Variants in ERICH3 observed in about 807,000 individuals in gnomAD.
ERICH3 encodes glutamate rich 3, also known as glutamate-rich protein 3.
Under a neutral mutation model 131.1 loss-of-function variants are expected in ERICH3, and 126 were observed. That is an observed-to-expected ratio of 0.96 (90% CI 0.83 to 1.11). The LOEUF (loss-of-function observed/expected upper bound fraction) is 1.11, where lower values mean the gene tolerates loss of function less well. Among genes scored for constraint, ERICH3 ranks in the 50% most tolerant of loss-of-function variants. The pLI is 0.00. For missense variants in ERICH3, 2,050 were observed against 1,810.7 expected, an observed-to-expected ratio of 1.13 and a Z score of -2.40; for synonymous variants, 695 against 644.6, an observed-to-expected ratio of 1.08 and a Z score of -1.18.
chr1:74,608,512 T>C (rs1427158142), intron 9 of ERICH3, among the ~76,000 whole-genome samples: 1 of 152,006 alleles, frequency 6.6e-6, no homozygotes, highest in Non-Finnish European at 1.5e-5. Flanking sequence ...TTACTTAAAC[T>C]GAAGATTTCA....
At chr1:74,585,793 C>A (rs1647300736) in intron 12 of ERICH3, among the ~76,000 whole-genome samples, 1 of 151,928 alleles carries the variant, frequency 6.6e-6, no homozygotes. Flanking sequence ...GTGGAATTTT[C>A]TTAGAAATTG....
At chr1:74,579,764 C>A (rs888397393) in intron 12 of ERICH3, 4 of 985,250 alleles carry the variant, frequency 4.1e-6, no homozygotes, top group African/African-American at 1.7e-5. Flanking sequence ...CACTTTGTTG[C>A]CTCTCTGTAT....
intron 12 of ERICH3, chr1:74,579,781 C>T: frequency 1.0e-6 from 1 of 985,342 alleles, no homozygotes; most frequent in South Asian, 4.7e-5. Context: ...GTATTTAGCC[C>T]TTCATCCCCT....
chr1:74,673,578 C>G lies in ERICH3; in HGVS notation c.-59G>C, dbSNP rs1298089408. On this transcript the variant is annotated 5_prime_UTR_variant, in exon 1 of 15. Coordinates refer to ENST00000326665, the MANE Select transcript of ERICH3 (RefSeq NM_001002912.5). Reference sequence around the variant, plus strand: ...TGCGGAGGGTGGGTGCGTGGGGCCCCGTGCGCGCTGGCGCTGCGACAGTCG... The same window carrying G: ...TGCGGAGGGTGGGTGCGTGGGGCCCGGTGCGCGCTGGCGCTGCGACAGTCG... The G allele has an allele frequency of 1.3e-6, 2 of 1,585,566 alleles. No individual in the cohort carries two copies. The highest frequency in any genetic ancestry group is 2.4e-5 in the East Asian group (1 of 42,106).
intron 10 of ERICH3, among the ~76,000 whole-genome samples, chr1:74,602,713 TA>T (rs1261947386): frequency 3.2e-4 from 49 of 151,858 alleles, no homozygotes; most frequent in African/African-American, 1.1e-3. Flanking sequence ...ATCATGAGTA[TA>T]AAGTACATCA....
At chr1:74,643,291 C>T (rs1646452176) in intron 3 of ERICH3, among the ~76,000 whole-genome samples, 193 bp from the exon 4 acceptor site, 2 of 152,168 alleles carry the variant, frequency 1.3e-5, no homozygotes, top group East Asian at 3.9e-4. Context: ...CAATTTTGAA[C>T]ATATATTAAG....
intron 13 of ERICH3, among the ~76,000 whole-genome samples, chr1:74,575,026 G>T (rs1167183732): frequency 7.8e-6 from 1 of 127,984 alleles, no homozygotes; most frequent in African/African-American, 2.7e-5. Flanking sequence ...CAAGTATGAT[G>T]CTCCTCATTT....
chr1:74,673,643 G>A lies in ERICH3; in HGVS notation c.-124C>T, dbSNP rs1282391587. 9.5e-6 allele frequency: 10 copies of A among 1,048,114 alleles called. No individual in the cohort carries two copies. Among genetic ancestry groups the A allele is most frequent in the Non-Finnish European group, 1.3e-5 (10 of 768,984 alleles). 64.9% of individuals were successfully genotyped at this position (1,048,114 alleles called of 1,614,324 possible). On this transcript the variant is annotated 5_prime_UTR_variant, in exon 1 of 15. Coordinates refer to ENST00000326665, the MANE Select transcript of ERICH3 (RefSeq NM_001002912.5). ...CTCCGCACCGAGGTCCCCTGTGCGC[G>A]GGCACCTGGGCTGGGCCGCCGCCGC...
intron 5 of ERICH3, 95 bp downstream of exon 5, chr1:74,641,236 G>T: frequency 7.4e-7 from 1 of 1,355,694 alleles, no homozygotes; most frequent in Non-Finnish European, 1.0e-6. Flanking sequence ...GCAGCATTAC[G>T]GAGTCATGCT....
At chr1:74,662,260 C>A (rs1646649284) in intron 1 of ERICH3, among the ~76,000 whole-genome samples, 1 of 152,148 alleles carries the variant, frequency 6.6e-6, no homozygotes, top group Non-Finnish European at 1.5e-5. Context: ...CTGAGGCCAG[C>A]CTCACTCACT....
At chr1:74,640,586 A>G (rs546103402) in intron 5 of ERICH3, among the ~76,000 whole-genome samples, 1 of 152,250 alleles carries the variant, frequency 6.6e-6, no homozygotes, top group South Asian at 2.1e-4. Flanking sequence ...TACAACTTAA[A>G]CCATCAACCT....
At chr1:74,638,579 A>C (rs1432825895) in intron 5 of ERICH3, among the ~76,000 whole-genome samples, 1 of 152,220 alleles carries the variant, frequency 6.6e-6, no homozygotes, top group African/African-American at 2.4e-5. Flanking sequence ...AAGAGTAGCA[A>C]AGATAATATT....
At chr1:74,652,210 G>T (rs374366203) in intron 1 of ERICH3, among the ~76,000 whole-genome samples, 3 of 152,042 alleles carry the variant, frequency 2.0e-5, no homozygotes, top group African/African-American at 7.2e-5. Context: ...TCAAGAAATT[G>T]CTCTAAAGTA....
intron 3 of ERICH3, among the ~76,000 whole-genome samples, chr1:74,644,857 A>T (rs1447968150): frequency 6.6e-6 from 1 of 152,032 alleles, no homozygotes; most frequent in African/African-American, 2.4e-5. Context: ...AAAACATTTC[A>T]TCGCCTCATC....
chr1:74,627,595 G>T (rs1649460669), intron 7 of ERICH3, among the ~76,000 whole-genome samples: 1 of 151,844 alleles, frequency 6.6e-6, no homozygotes, highest in Admixed American at 6.6e-5. Flanking sequence ...AAAGCCTAAA[G>T]TTTAAAACTA....
intron 12 of ERICH3, chr1:74,579,569 A>G: frequency 1.0e-6 from 1 of 985,388 alleles, no homozygotes; most frequent in Non-Finnish European, 1.2e-6. Flanking sequence ...ATGCTGGCCT[A>G]AGTATCAAGG....
chr1:74,602,340 C>A (rs1648176822), intron 10 of ERICH3, among the ~76,000 whole-genome samples: 1 of 151,922 alleles, frequency 6.6e-6, no homozygotes, highest in Admixed American at 6.6e-5. Flanking sequence ...AAGCACACCA[C>A]CTTTGTGTCA....
chr1:74,591,452 G>A (rs1220247116), intron 11 of ERICH3, among the ~76,000 whole-genome samples: 3 of 152,158 alleles, frequency 2.0e-5, no homozygotes, highest in Non-Finnish European at 4.4e-5. Context: ...TAGGGGGAAT[G>A]TAAACTCTCT....
intron 7 of ERICH3, among the ~76,000 whole-genome samples, chr1:74,627,482 C>T (rs1156759425): frequency 6.6e-6 from 1 of 151,938 alleles, no homozygotes; most frequent in African/African-American, 2.4e-5. Flanking sequence ...AAATATATCA[C>T]TAAACAAAGT....
Sources: gnomAD v4.1 joint callset for allele counts (sites outside exome capture counted in the v4.1 genomes callset) on GRCh38, gnomAD v4.1.1 for gene constraint, MANE v1.5 for transcripts, NCBI Gene and HGNC (gene_info 2026-07-23, HGNC 2026-07-21) for gene names.